Variants in THRB observed in about 807,000 individuals in gnomAD.
The protein encoded by THRB is nuclear receptor subfamily 1 group A member 2.
In THRB, 12 loss-of-function variants were observed where a neutral mutation model predicts 47.8. The observed-to-expected ratio is 0.25, with a 90% confidence interval of 0.16 to 0.41. THRB has a LOEUF of 0.41. Among genes scored for constraint, THRB ranks in the 10% least tolerant of loss-of-function variants. The probability of loss-of-function intolerance (pLI) is 1.00; values close to 1 mark genes in which losing one functional copy is unlikely to be tolerated. For synonymous variants in THRB, 218 were observed against 212.2 expected, an observed-to-expected ratio of 1.03 and a Z score of -0.24; for missense variants, 348 against 589.2, an observed-to-expected ratio of 0.59 and a Z score of 4.24.
intron 3 of THRB, among the ~76,000 whole-genome samples, chr3:24,283,487 G>C (rs1341572671): frequency 1.3e-5 from 2 of 151,348 alleles, no homozygotes; most frequent in African/African-American, 4.9e-5. Flanking sequence ...ATACTGAATG[G>C]GCAAAAACTG....
At chr3:24,410,939 G>C (rs190615338) in intron 1 of THRB, among the ~76,000 whole-genome samples, 1 of 151,920 alleles carries the variant, frequency 6.6e-6, no homozygotes, top group African/African-American at 2.4e-5. Flanking sequence ...ATATAATGCG[G>C]ATGGTTCATC....
rs1052088825 is a variant in THRB, at chr3:24,117,742, C to T, written c.*5142G>A. The stretch of plus-strand genomic sequence containing the variant: ...GCCTGAAGCTTTGGTATGCAATACC[C>T]TAGATCCCAGATATTAAAGTCAATA... On this transcript the variant is annotated 3_prime_UTR_variant, in exon 11 of 11. Coordinates refer to ENST00000646209, the MANE Select transcript of THRB (RefSeq NM_001354712.2). The T allele has an allele frequency of 5.3e-5, 8 of 152,206 alleles. No individual in the cohort carries two copies. Among genetic ancestry groups the T allele is most frequent in the Admixed American group, 3.3e-4 (5 of 15,282 alleles). 9.4% of individuals were successfully genotyped at this position (152,206 alleles called of 1,614,324 possible). A position where few individuals can be genotyped will look rare whatever the true frequency, so the allele number is the denominator to read the frequency against.
At chr3:24,210,347 A>G (rs1475705764) in intron 4 of THRB, among the ~76,000 whole-genome samples, 1 of 152,014 alleles carries the variant, frequency 6.6e-6, no homozygotes. Context: ...GATCCAAATA[A>G]TTGGATCCCT....
chr3:24,238,452 C>G (rs1040148671), intron 3 of THRB, among the ~76,000 whole-genome samples: 1 of 151,812 alleles, frequency 6.6e-6, no homozygotes, highest in Non-Finnish European at 1.5e-5. Context: ...AAACAACAAA[C>G]AAGAATGTGA....
intron 1 of THRB, among the ~76,000 whole-genome samples, chr3:24,400,843 C>A (rs1019153308): frequency 6.6e-6 from 1 of 152,058 alleles, no homozygotes; most frequent in Non-Finnish European, 1.5e-5. Context: ...AGAACTTTCA[C>A]TGGGGGACTA....
chr3:24,243,348 C>A (rs923546887), intron 3 of THRB, among the ~76,000 whole-genome samples: 1 of 152,068 alleles, frequency 6.6e-6, no homozygotes, highest in Admixed American at 6.6e-5. Context: ...CAAAATCCCA[C>A]TGTGGCTCCC....
intron 1 of THRB, among the ~76,000 whole-genome samples, chr3:24,432,162 C>T (rs998335139): frequency 9.2e-5 from 14 of 151,848 alleles, no homozygotes; most frequent in African/African-American, 1.9e-4. Flanking sequence ...CCTACATATA[C>T]GTTATAAGAT....
chr3:24,219,918 C>G (rs78307351), intron 4 of THRB, among the ~76,000 whole-genome samples: 2 of 152,156 alleles, frequency 1.3e-5, no homozygotes, highest in African/African-American at 2.4e-5. Context: ...ACACCAGATG[C>G]GTAGCGGAAT....
At chr3:24,295,599 G>A (rs184541770) in intron 3 of THRB, among the ~76,000 whole-genome samples, 340 of 152,258 alleles carry the variant, frequency 2.2e-3, no homozygotes, top group Non-Finnish European at 3.7e-3. Flanking sequence ...CAGTAAGTTT[G>A]CCTGTATAAC....
intron 1 of THRB, among the ~76,000 whole-genome samples, chr3:24,379,535 C>A (rs2065539850): frequency 6.6e-6 from 1 of 152,076 alleles, no homozygotes; most frequent in South Asian, 2.1e-4. Context: ...TTGTCTGAGC[C>A]ACTTTCCCCC....
At position 24,121,506 on chromosome 3, in the gene THRB, G is replaced by A. The variant is rs1003580687; in HGVS notation, c.*1378C>T. ...TGGGTACATTCTATGCCCATTTTCT[G>A]ACGCTGAAGAGATGAAGTGTCACTG... On this transcript the variant is annotated 3_prime_UTR_variant, in exon 11 of 11. Coordinates refer to ENST00000646209, the MANE Select transcript of THRB (RefSeq NM_001354712.2). 6.6e-6 allele frequency: 1 copy of A among 152,624 alleles called. No individual in the cohort carries two copies. The highest frequency in any genetic ancestry group is 2.1e-4 in the South Asian group (1 of 4,826). 9.5% of individuals were successfully genotyped at this position (152,624 alleles called of 1,614,324 possible).
intron 3 of THRB, among the ~76,000 whole-genome samples, chr3:24,295,186 C>T (rs534881580): frequency 1.4e-4 from 21 of 152,266 alleles, no homozygotes; most frequent in Non-Finnish European, 1.8e-4. Flanking sequence ...ATTGTATTAT[C>T]GAAACTAGCT....
At chr3:24,403,680 C>A (rs2067603276) in intron 1 of THRB, among the ~76,000 whole-genome samples, 1 of 151,866 alleles carries the variant, frequency 6.6e-6, no homozygotes, top group African/African-American at 2.4e-5. Flanking sequence ...TTAAAAATGT[C>A]CTTGATTAAA....
At chr3:24,231,304 T>C (rs2048238153) in intron 3 of THRB, among the ~76,000 whole-genome samples, 1 of 152,130 alleles carries the variant, frequency 6.6e-6, no homozygotes. Context: ...CAGTTAAAAA[T>C]ATCTTCATTT....
At chr3:24,247,978 G>C (rs1559726746) in intron 3 of THRB, among the ~76,000 whole-genome samples, 1 of 151,660 alleles carries the variant, frequency 6.6e-6, no homozygotes, top group Non-Finnish European at 1.5e-5. Flanking sequence ...TACTCTTGAT[G>C]AGTCTGGAAT....
At chr3:24,269,919 T>G (rs1266266623) in intron 3 of THRB, among the ~76,000 whole-genome samples, 2 of 152,206 alleles carry the variant, frequency 1.3e-5, no homozygotes, top group African/African-American at 4.8e-5. Context: ...CTTCCTTCTT[T>G]GGCTTTTTCT....
chr3:24,402,793 GA>G (rs2067523663), intron 1 of THRB, among the ~76,000 whole-genome samples: 1 of 151,768 alleles, frequency 6.6e-6, no homozygotes, highest in African/African-American at 2.4e-5. Context: ...TTTTGACCCA[GA>G]AATGTCAACT....
intron 5 of THRB, among the ~76,000 whole-genome samples, chr3:24,173,139 T>C (rs1481424337): frequency 6.6e-6 from 1 of 152,096 alleles, no homozygotes; most frequent in African/African-American, 2.4e-5. Flanking sequence ...GATCGTAAAC[T>C]CTGGGGGGTG....
At chr3:24,146,112 A>G (rs961977846) in intron 7 of THRB, among the ~76,000 whole-genome samples, 4 of 152,244 alleles carry the variant, frequency 2.6e-5, no homozygotes, top group African/African-American at 7.2e-5. Context: ...TGCTAAAAAT[A>G]TAACAAACAA....
Sources: allele counts gnomAD v4.1 joint callset (sites outside exome capture counted in the v4.1 genomes callset), GRCh38; gene constraint gnomAD v4.1.1; transcripts MANE v1.5; gene names NCBI Gene and HGNC (gene_info 2026-07-23, HGNC 2026-07-21).